The following TEKT5 variants were observed in gnomAD, a reference collection of about 807,000 sequenced individuals.
The protein encoded by TEKT5 is tektin-5.
Under a neutral mutation model 48.7 loss-of-function variants are expected in TEKT5, and 52 were observed. That is an observed-to-expected ratio of 1.07 (90% CI 0.86 to 1.35). TEKT5 has a LOEUF of 1.35. TEKT5 is among the 40% of genes most tolerant of loss of function. The probability of loss-of-function intolerance (pLI) is 0.00; values close to 1 mark genes in which losing one functional copy is unlikely to be tolerated. For synonymous variants in TEKT5, 318 were observed against 267.6 expected, an observed-to-expected ratio of 1.19 and a Z score of -1.84; for missense variants, 831 against 641.6, an observed-to-expected ratio of 1.30 and a Z score of -3.19.
At chr16:10,635,690 G>A in intron 6 of TEKT5, 74 bp downstream of exon 6, 1 of 1,551,858 alleles carries the variant, frequency 6.4e-7, no homozygotes, top group Non-Finnish European at 8.7e-7. Context: ...GCACCTAGAA[G>A]CTCCTGAGAC....
intron 4 of TEKT5, among the ~76,000 whole-genome samples, chr16:10,679,628 C>T (rs979331973): frequency 1.3e-5 from 2 of 152,128 alleles, no homozygotes; most frequent in Non-Finnish European, 2.9e-5. Context: ...GGGGTGGTGG[C>T]TCACACCTGT....
chr16:10,675,617 G>A (rs1338388075), intron 5 of TEKT5, among the ~76,000 whole-genome samples: 1 of 152,188 alleles, frequency 6.6e-6, no homozygotes, highest in African/African-American at 2.4e-5. Context: ...TGCAGAAGTG[G>A]CAGAGACTAT....
chr16:10,681,157 T>G (rs1049551518), intron 4 of TEKT5, among the ~76,000 whole-genome samples: 1 of 151,904 alleles, frequency 6.6e-6, no homozygotes, highest in Non-Finnish European at 1.5e-5. Flanking sequence ...CAGTAAGCAC[T>G]TGATAAATGT....
At chr16:10,633,358 T>TA (rs1027306409) in intron 6 of TEKT5, among the ~76,000 whole-genome samples, 14 of 151,006 alleles carry the variant, frequency 9.3e-5, no homozygotes, top group Non-Finnish European at 1.6e-4. Context: ...AAGACTCAAT[T>TA]AAAAAAAAAC....
At chr16:10,659,961 C>T (rs1244867863) in intron 5 of TEKT5, among the ~76,000 whole-genome samples, 1 of 152,090 alleles carries the variant, frequency 6.6e-6, no homozygotes. Context: ...GCGAATTTCA[C>T]CTTAATAAAG....
At position 10,694,297 on chromosome 16, in the gene TEKT5, C is replaced by A; in HGVS notation, c.564+13G>T. The A allele has an allele frequency of 6.3e-7, 1 of 1,575,570 alleles. No homozygotes were observed. Among genetic ancestry groups the A allele is most frequent in the Non-Finnish European group, 8.6e-7 (1 of 1,160,400 alleles). ...GGACACAGCCACAGCCCTGTCCCCA[C>A]CCCTGTACTCACCTGCAATGGGCAG... On this transcript the variant is annotated intron_variant, in intron 1 of 6. Transcript: ENST00000283025.
chr16:10,679,154 C>T (rs1339438005), intron 4 of TEKT5, among the ~76,000 whole-genome samples: 1 of 152,168 alleles, frequency 6.6e-6, no homozygotes, highest in African/African-American at 2.4e-5. Context: ...TGTCATGGCA[C>T]TGGACAGAGT....
intron 5 of TEKT5, among the ~76,000 whole-genome samples, chr16:10,668,300 T>A (rs1189550576): frequency 6.6e-6 from 1 of 151,992 alleles, no homozygotes; most frequent in Non-Finnish European, 1.5e-5. Flanking sequence ...TAAAGAGAGG[T>A]CGGCATCATG....
chr16:10,639,884 G>A (rs1290339192), intron 5 of TEKT5, among the ~76,000 whole-genome samples: 1 of 152,170 alleles, frequency 6.6e-6, no homozygotes, highest in Non-Finnish European at 1.5e-5. Context: ...CTGCATCCTA[G>A]TGCCTGCTCC....
chr16:10,668,536 C>T (rs1449651621), intron 5 of TEKT5, among the ~76,000 whole-genome samples: 1 of 152,168 alleles, frequency 6.6e-6, no homozygotes, highest in Non-Finnish European at 1.5e-5. Context: ...GGGTTCCAGA[C>T]CTCCTTGGAC....
Position 10,694,327 on chromosome 16 carries a change from C to T in TEKT5, c.547G>A (p.Val183Met), listed in dbSNP as rs1335985350. The T allele has an allele frequency of 6.2e-7, 1 of 1,602,276 alleles. No individual in the cohort carries two copies. Among genetic ancestry groups the T allele is most frequent in the African/African-American group, 1.3e-5 (1 of 74,920 alleles). ...KRRLECAANE[V>M]NCPLQVALEC... ...GTACTCACCTGCAATGGGCAGTTCA[C>T]CTCATTGGCCGCGCACTCCAGCCGC... Residue 183 changes from valine (V) to methionine (M), a missense_variant, in exon 1 of 7, where the codon GTG (valine) becomes ATG (methionine). Physicochemically the swap from Val to Met is conservative, Grantham distance 21. Coordinates refer to ENST00000283025, the MANE Select transcript of TEKT5 (RefSeq NM_144674.2).
chr16:10,631,273 AGAG>A (rs142442722), intron 6 of TEKT5, among the ~76,000 whole-genome samples: 6 of 119,252 alleles, frequency 5.0e-5, no homozygotes, highest in African/African-American at 1.9e-4. Flanking sequence ...AAAAAAAAAA[AGAG>A]AGAGAGAGAG....
rs2142316088 is a variant in TEKT5 at position 10,690,034 on chromosome 16, A to G, written c.565-9T>C. 1.9e-6 allele frequency: 3 copies of G among 1,613,732 alleles called. No homozygotes were observed. In the East Asian group the frequency reaches 6.7e-5, roughly 36 times the overall value. ...AGACACTCCAAGGCCACCTGTGGGA[A>G]GCAGCAGAAAGAACGTATTCTTCCT... On this transcript the variant is annotated splice_polypyrimidine_tract_variant and intron_variant, in intron 1 of 6. Transcript: ENST00000283025.
intron 5 of TEKT5, among the ~76,000 whole-genome samples, chr16:10,661,007 G>A (rs1408347366): frequency 1.3e-5 from 2 of 152,098 alleles, no homozygotes; most frequent in Non-Finnish European, 2.9e-5. Flanking sequence ...GCTGTGTTTT[G>A]TTTTTTCTTC....
At chr16:10,679,095 A>T (rs1007727547) in intron 4 of TEKT5, among the ~76,000 whole-genome samples, 5 of 152,210 alleles carry the variant, frequency 3.3e-5, no homozygotes, top group African/African-American at 1.2e-4. Context: ...AATGGAGATA[A>T]TAATGGTACC....
At chr16:10,682,226 G>C in intron 3 of TEKT5, 90 bp from the exon 4 acceptor site, 3 of 1,487,832 alleles carry the variant, frequency 2.0e-6, no homozygotes, top group Non-Finnish European at 9.1e-7. Flanking sequence ...GCAAGCCCTG[G>C]ACTCCCAGAA....
In TEKT5 at chr16:10,635,287, G is replaced by A. The variant is rs561673924; in HGVS notation, c.1241+477C>T. On this transcript the variant is annotated intron_variant, in intron 6 of 6. Transcript: ENST00000283025. ...CAGCCTCTTTAGCACAGCAGGATGGGTGGGATCCACCAGCCAGGAGCTCAT... is the reference window on the plus strand; with the variant it reads ...CAGCCTCTTTAGCACAGCAGGATGGATGGGATCCACCAGCCAGGAGCTCAT... Among the ~76,000 whole-genome samples the A allele has an allele frequency of 5.3e-5, 8 of 151,572 alleles. No individual in the cohort carries two copies. The East Asian group carries it at 7.8e-4, about 15-fold the overall frequency.
chr16:10,668,554 G>C (rs1366249482), intron 5 of TEKT5, among the ~76,000 whole-genome samples: 4 of 152,162 alleles, frequency 2.6e-5, no homozygotes, highest in Non-Finnish European at 5.9e-5. Context: ...GACAAACAGA[G>C]GGGTTGGCAG....
chr16:10,645,216 C>T (rs2142268140), intron 5 of TEKT5, among the ~76,000 whole-genome samples: 1 of 152,278 alleles, frequency 6.6e-6, no homozygotes, highest in East Asian at 1.9e-4. Flanking sequence ...GATGTTAAAA[C>T]ATGATTTGTA....
Sources: gnomAD v4.1 joint callset for allele counts (sites outside exome capture counted in the v4.1 genomes callset) on GRCh38, gnomAD v4.1.1 for gene constraint, MANE v1.5 for transcripts, NCBI Gene and HGNC (gene_info 2026-07-23, HGNC 2026-07-21) for gene names.